The following PTPRD variants were observed in gnomAD, a reference collection of about 807,000 sequenced individuals.
The protein encoded by PTPRD is receptor-type tyrosine-protein phosphatase delta.
A neutral mutation model predicts 214.5 loss-of-function variants in PTPRD; 34 were observed. That is an observed-to-expected ratio of 0.16 (90% CI 0.12 to 0.21). The LOEUF is 0.21. Ranked by LOEUF, PTPRD falls within the 10% of genes least tolerant of loss-of-function variation. The pLI is 1.00. For synonymous variants in PTPRD, 1,128 were observed against 845.7 expected, an observed-to-expected ratio of 1.33 and a Z score of -5.79; for missense variants, 2,545 against 2,398.7, an observed-to-expected ratio of 1.06 and a Z score of -1.27.
intron 2 of PTPRD, among the ~76,000 whole-genome samples, chr9:10,550,380 T>C (rs935597421): frequency 6.6e-6 from 1 of 152,208 alleles, no homozygotes; most frequent in African/African-American, 2.4e-5. Flanking sequence ...AAGCAGAGTC[T>C]GACATGATGA....
chr9:8,706,078 C>G (rs2098200819), intron 12 of PTPRD, among the ~76,000 whole-genome samples: 1 of 152,148 alleles, frequency 6.6e-6, no homozygotes, highest in Non-Finnish European at 1.5e-5. Flanking sequence ...AACTGCCAGA[C>G]TCACTTAGTC....
chr9:9,929,096 C>G (rs1338968497), intron 5 of PTPRD, among the ~76,000 whole-genome samples: 1 of 152,100 alleles, frequency 6.6e-6, no homozygotes. Flanking sequence ...CCATATCTGT[C>G]CGCTATACCT....
chr9:9,903,332 C>T (rs917377332), intron 5 of PTPRD, among the ~76,000 whole-genome samples: 2 of 152,002 alleles, frequency 1.3e-5, no homozygotes, highest in Non-Finnish European at 2.9e-5. Context: ...GCTTAAAGAC[C>T]ATTAGCACTC....
chr9:8,805,111 C>T (rs1355167643), intron 11 of PTPRD, among the ~76,000 whole-genome samples: 1 of 152,162 alleles, frequency 6.6e-6, no homozygotes, highest in Non-Finnish European at 1.5e-5. Flanking sequence ...CTATACCTCA[C>T]AGATAGTATC....
intron 11 of PTPRD, among the ~76,000 whole-genome samples, chr9:8,983,438 G>T (rs1291891285): frequency 6.6e-6 from 1 of 151,980 alleles, no homozygotes; most frequent in Non-Finnish European, 1.5e-5. Flanking sequence ...ACCCGAGTTA[G>T]TGTTCAATAC....
chr9:9,298,761 T>A (rs1954104220), intron 9 of PTPRD, among the ~76,000 whole-genome samples: 1 of 151,774 alleles, frequency 6.6e-6, no homozygotes, highest in South Asian at 2.1e-4. Flanking sequence ...TGTCCTGAAT[T>A]ATTTACATAT....
chr9:9,993,594 A>G (rs1289976944), intron 4 of PTPRD, among the ~76,000 whole-genome samples: 2 of 152,174 alleles, frequency 1.3e-5, no homozygotes, highest in African/African-American at 4.8e-5. Flanking sequence ...TTTAGAAACA[A>G]AAAATTGCTC....
intron 39 of PTPRD, among the ~76,000 whole-genome samples, chr9:8,370,233 CACACAT>C (rs1008318851): frequency 1.1e-4 from 4 of 34,994 alleles, no homozygotes; most frequent in African/African-American, 1.7e-4. Context: ...CACACACACA[CACACAT>C]ATATATATAT....
intron 7 of PTPRD, among the ~76,000 whole-genome samples, chr9:9,629,713 GA>G (rs2154358576): frequency 6.6e-6 from 1 of 152,170 alleles, no homozygotes; most frequent in African/African-American, 2.4e-5. Flanking sequence ...AGAGGGTAAG[GA>G]GAGAGGAAAA....
chr9:9,967,946 T>G (rs1046560998), intron 4 of PTPRD, among the ~76,000 whole-genome samples: 2 of 152,134 alleles, frequency 1.3e-5, no homozygotes, highest in Non-Finnish European at 2.9e-5. Flanking sequence ...TAAGAAAAAT[T>G]TGTCACAAAA....
intron 3 of PTPRD, among the ~76,000 whole-genome samples, chr9:10,246,100 A>G (rs1192890200): frequency 6.6e-6 from 1 of 152,146 alleles, no homozygotes; most frequent in Non-Finnish European, 1.5e-5. Context: ...ATACTTCACA[A>G]TAATGGTTAA....
intron 9 of PTPRD, among the ~76,000 whole-genome samples, chr9:9,268,056 G>T (rs577434292): frequency 6.6e-6 from 1 of 150,896 alleles, no homozygotes; most frequent in African/African-American, 2.4e-5. Flanking sequence ...GAAATAAAAG[G>T]CATCCAAATC....
chr9:9,275,119 TTA>T (rs1158833470), intron 9 of PTPRD, among the ~76,000 whole-genome samples: 14 of 53,496 alleles, frequency 2.6e-4, no homozygotes, highest in East Asian at 2.1e-3. Context: ...TATATATATA[TTA>T]TATATATTAT....
intron 11 of PTPRD, among the ~76,000 whole-genome samples, chr9:8,849,921 C>T (rs1416611437): frequency 2.0e-5 from 3 of 152,056 alleles, no homozygotes; most frequent in Non-Finnish European, 4.4e-5. Flanking sequence ...CAAAAACCAC[C>T]TAAGAAGCTG....
chr9:9,960,538 T>C (rs561902431), intron 4 of PTPRD, among the ~76,000 whole-genome samples: 1 of 152,102 alleles, frequency 6.6e-6, no homozygotes, highest in Non-Finnish European at 1.5e-5. Context: ...TCAAGGCCAG[T>C]ATCAATATGA....
chr9:10,262,217 G>A (rs933206807), intron 3 of PTPRD, among the ~76,000 whole-genome samples: 3 of 151,674 alleles, frequency 2.0e-5, no homozygotes, highest in Admixed American at 6.6e-5. Flanking sequence ...TTCAAGAAAT[G>A]GTGAAAATGT....
chr9:9,447,682 A>C (rs1165906396), intron 8 of PTPRD, among the ~76,000 whole-genome samples: 2 of 152,154 alleles, frequency 1.3e-5, no homozygotes, highest in African/African-American at 4.8e-5. Context: ...AAAAAAATTT[A>C]GTTCTCAAGG....
intron 35 of PTPRD, among the ~76,000 whole-genome samples, chr9:8,407,131 GTAACAGA>G: frequency 6.6e-6 from 1 of 152,298 alleles, no homozygotes; most frequent in East Asian, 1.9e-4. Flanking sequence ...TTAAAAACGA[GTAACAGA>G]AACATGAGTT....
At chr9:9,879,005 C>T (rs75781107) in intron 5 of PTPRD, among the ~76,000 whole-genome samples, 2,444 of 152,160 alleles carry the variant, frequency 0.016, 59 homozygotes, top group African/African-American at 0.056. Flanking sequence ...ACTCTATGTG[C>T]CCTCAAAATA....
Sources: gnomAD v4.1 joint callset for allele counts (sites outside exome capture counted in the v4.1 genomes callset) on GRCh38, gnomAD v4.1.1 for gene constraint, MANE v1.5 for transcripts, NCBI Gene and HGNC (gene_info 2026-07-23, HGNC 2026-07-21) for gene names.